TENM4: variants seen among roughly 807,000 people sequenced by gnomAD.
TENM4 encodes the protein teneurin-4.
Under a neutral mutation model 243.3 loss-of-function variants are expected in TENM4, and 82 were observed. The observed-to-expected ratio is 0.34, with a 90% CI of 0.28 to 0.40. The LOEUF (loss-of-function observed/expected upper bound fraction) is 0.40. Ranked by LOEUF, TENM4 falls within the 10% of genes least tolerant of loss-of-function variation. TENM4 has a pLI of 1.00. For missense variants in TENM4, 3,138 were observed against 3,673.3 expected, an observed-to-expected ratio of 0.85 and a Z score of 3.77; for synonymous variants, 1,412 against 1,456.3, an observed-to-expected ratio of 0.97 and a Z score of 0.69.
intron 28 of TENM4, among the ~76,000 whole-genome samples, chr11:78,698,423 C>CCAACCAAA (rs1555066528): frequency 6.6e-6 from 1 of 152,008 alleles, no homozygotes; most frequent in African/African-American, 2.4e-5. Flanking sequence ...AACCAACCAA[C>CCAACCAAA]CAAACAAACA....
chr11:78,690,872 A>G (rs1590941387), intron 28 of TENM4, among the ~76,000 whole-genome samples: 1 of 152,194 alleles, frequency 6.6e-6, no homozygotes, highest in African/African-American at 2.4e-5. Flanking sequence ...ATCCCTGTAC[A>G]TACTCTTTAT....
chr11:78,669,559 C>T lies in TENM4; in HGVS notation c.6786G>A (p.Arg2262=). The T allele has an allele frequency of 6.2e-7, 1 of 1,613,982 alleles. No individual in the cohort carries two copies. Among genetic ancestry groups the T allele is most frequent in the Middle Eastern group, 1.6e-4 (1 of 6,062 alleles). ...ACTCAAAGATATCACCGCCCCGCTG[C>T]CTCAGGAAGCCATCCTCATCCATCT... The part of the protein sequence containing the change: ...QYKMDEDGFL[R]QRGGDIFEYN... The change falls in exon 32 of 34, where the codon AGG becomes AGA. Residue 2262 remains arginine (R), a synonymous_variant. Transcript: ENST00000278550. The surrounding 1 kb of genome is among the most constrained non-coding windows in gnomAD (Gnocchi z 6.4).
At chr11:78,841,633 C>T (rs560956365) in intron 12 of TENM4, among the ~76,000 whole-genome samples, 3 of 152,108 alleles carry the variant, frequency 2.0e-5, no homozygotes, top group African/African-American at 4.8e-5. Context: ...TAGTCATCTC[C>T]CCTCTCTCCT....
At chr11:79,109,290 C>G (rs376694433) in intron 4 of TENM4, among the ~76,000 whole-genome samples, 1 of 152,162 alleles carries the variant, frequency 6.6e-6, no homozygotes, top group Admixed American at 6.5e-5. Context: ...AGTACAAGCA[C>G]TCGTGAAGCA....
At chr11:78,891,058 T>C (rs1484961863) in intron 8 of TENM4, among the ~76,000 whole-genome samples, 180 bp downstream of exon 8, 3 of 152,212 alleles carry the variant, frequency 2.0e-5, no homozygotes, top group African/African-American at 4.8e-5. Context: ...GCTGTTAATA[T>C]GCTGGGGGAT....
intron 19 of TENM4, among the ~76,000 whole-genome samples, chr11:78,741,493 C>T (rs1025679432): frequency 6.6e-6 from 1 of 152,098 alleles, no homozygotes; most frequent in Non-Finnish European, 1.5e-5. Context: ...ACGCGATGGT[C>T]CTGAGTAACC....
chr11:78,672,529 G>T (rs979944739), intron 30 of TENM4, among the ~76,000 whole-genome samples, 200 bp from the exon 31 acceptor site: 1 of 152,216 alleles, frequency 6.6e-6, no homozygotes, highest in Non-Finnish European at 1.5e-5. Flanking sequence ...GTAAAATGGG[G>T]ACAATAATGC....
intron 1 of TENM4, among the ~76,000 whole-genome samples, chr11:79,368,494 G>A (rs1192250666): frequency 1.3e-5 from 2 of 152,216 alleles, no homozygotes; most frequent in Non-Finnish European, 2.9e-5. Context: ...AGTATGAGAT[G>A]GGACAGCCAG....
intron 3 of TENM4, among the ~76,000 whole-genome samples, chr11:79,195,979 C>T (rs1863618920): frequency 1.3e-5 from 2 of 152,040 alleles, no homozygotes; most frequent in Admixed American, 1.3e-4. Flanking sequence ...GCTGGTCTTT[C>T]CCATGTTATT....
At chr11:79,413,203 T>C (rs986914729) in intron 1 of TENM4, among the ~76,000 whole-genome samples, 5 of 152,222 alleles carry the variant, frequency 3.3e-5, no homozygotes, top group Non-Finnish European at 5.9e-5. Context: ...GCACCTTGTG[T>C]TCCAAATCTG....
chr11:78,743,794 C>T (rs1855984735), intron 19 of TENM4, among the ~76,000 whole-genome samples: 1 of 152,078 alleles, frequency 6.6e-6, no homozygotes, highest in African/African-American at 2.4e-5. Flanking sequence ...TAAAGGAAGG[C>T]AAAGGGAGAA....
chr11:79,303,881 G>A (rs577479386), intron 1 of TENM4, among the ~76,000 whole-genome samples: 2 of 152,326 alleles, frequency 1.3e-5, no homozygotes, highest in African/African-American at 4.8e-5. Context: ...AGCGTGTTAA[G>A]AAGCCATCCA....
intron 1 of TENM4, among the ~76,000 whole-genome samples, chr11:79,384,563 C>T (rs1246644542): frequency 6.6e-6 from 1 of 152,208 alleles, no homozygotes; most frequent in African/African-American, 2.4e-5. Context: ...CAAACTACTT[C>T]TTCCTTCTGA....
At chr11:79,039,870 G>C (rs1376523503) in intron 6 of TENM4, among the ~76,000 whole-genome samples, 1 of 152,118 alleles carries the variant, frequency 6.6e-6, no homozygotes, top group Non-Finnish European at 1.5e-5. Context: ...AGATGGAAAC[G>C]TATCTAAAGC....
In TENM4 at chr11:79,338,982, G is replaced by T. The variant is rs566801966; in HGVS notation, c.-320-41439C>A. ...TTGGGGCTAGAAACCCAAAGGCCGA[G>T]CCTTGAAGCGGGAGATGATGGAGCT... is the stretch of plus-strand genomic sequence containing the variant. On this transcript the variant is annotated intron_variant, in intron 1 of 33. Transcript: ENST00000278550. Among the ~76,000 whole-genome samples, 8 of 152,338 alleles carry T rather than the reference G, an allele frequency of 5.3e-5. No individual in the cohort carries two copies. In the South Asian group the frequency reaches 1.2e-3, roughly 24 times the overall value.
chr11:79,193,133 A>G (rs1271227830), intron 3 of TENM4: 1 of 152,240 alleles, frequency 6.6e-6, no homozygotes, highest in Non-Finnish European at 1.5e-5. Context: ...GTATTTGAGG[A>G]CTGAAAAGAA....
chr11:78,786,829 G>A (rs1856945336), intron 16 of TENM4, 69 bp downstream of exon 16: 3 of 1,548,502 alleles, frequency 1.9e-6, no homozygotes, highest in African/African-American at 1.4e-5. Context: ...GGCTGGCCCT[G>A]AAATGCCCCA....
chr11:78,768,023 T>C (rs78357118), intron 18 of TENM4, among the ~76,000 whole-genome samples: 2,719 of 152,354 alleles, frequency 0.018, 93 homozygotes, highest in African/African-American at 0.063. Context: ...TTTACTCTTG[T>C]GCTCCTTTCT....
rs926705705 is a variant in TENM4, at chr11:79,440,272, G to T, written c.-321+237C>A. On this transcript the variant is annotated intron_variant, in intron 1 of 33. Transcript: ENST00000278550. This position sits in a 1 kb window ranked among gnomAD's most constrained non-coding sequence, Gnocchi z 4.7. ...TTGCTCCCAGGCTCCAGTCCGCGGC[G>T]GGCTCCGGGGGCTGCGGCGGCTCCA... is the stretch of plus-strand genomic sequence containing the variant. Among the ~76,000 whole-genome samples the T allele has an allele frequency of 3.3e-5, 5 of 151,392 alleles. No individual in the cohort carries two copies. The highest frequency in any genetic ancestry group is 6.6e-5 in the Admixed American group (1 of 15,262).
Sources: allele counts gnomAD v4.1 joint callset (sites outside exome capture counted in the v4.1 genomes callset), GRCh38; gene constraint gnomAD v4.1.1; non-coding constraint Gnocchi (gnomAD v3.1); transcripts MANE v1.5; gene names NCBI Gene and HGNC (gene_info 2026-07-23, HGNC 2026-07-21).